The following CACNA2D3 variants were observed in gnomAD, a reference collection of about 807,000 sequenced individuals.
CACNA2D3 encodes the protein voltage-dependent calcium channel subunit alpha-2/delta-3.
In CACNA2D3, 60 loss-of-function variants were observed where a neutral mutation model predicts 160.6. That is an observed-to-expected ratio of 0.37 (90% CI 0.30 to 0.46). The LOEUF is 0.46. Among genes scored for constraint, CACNA2D3 ranks in the 20% least tolerant of loss-of-function variants. CACNA2D3 has a pLI of 1.00. For synonymous variants in CACNA2D3, 558 were observed against 492.9 expected, an observed-to-expected ratio of 1.13 and a Z score of -1.75; for missense variants, 1,205 against 1,365.0, an observed-to-expected ratio of 0.88 and a Z score of 1.85.
intron 23 of CACNA2D3, among the ~76,000 whole-genome samples, chr3:54,886,225 A>G (rs1257898914): frequency 6.6e-6 from 1 of 152,208 alleles, no homozygotes; most frequent in Admixed American, 6.5e-5. Flanking sequence ...ACCTCTAACA[A>G]GCATCATGTA....
At chr3:54,146,282 C>G (rs1443565391) in intron 2 of CACNA2D3, among the ~76,000 whole-genome samples, 4 of 152,190 alleles carry the variant, frequency 2.6e-5, no homozygotes, top group Non-Finnish European at 4.4e-5. Context: ...TAACTTCCTT[C>G]CAGTCTGTGA....
At chr3:54,851,009 C>T (rs1482109181) in intron 17 of CACNA2D3, among the ~76,000 whole-genome samples, 5 of 152,154 alleles carry the variant, frequency 3.3e-5, no homozygotes, top group African/African-American at 1.2e-4. Context: ...AGAGATGTGC[C>T]CTACCTCCAA....
intron 29 of CACNA2D3, among the ~76,000 whole-genome samples, chr3:54,977,366 C>T (rs1182306570): frequency 4.6e-5 from 7 of 152,152 alleles, no homozygotes; most frequent in African/African-American, 1.7e-4. Context: ...AGCTGTTTAA[C>T]GTTACTTTCA....
intron 3 of CACNA2D3, among the ~76,000 whole-genome samples, chr3:54,350,920 T>C (rs985340485): frequency 6.6e-6 from 1 of 151,354 alleles, no homozygotes; most frequent in African/African-American, 2.4e-5. Flanking sequence ...GCTGTTTGCT[T>C]CTAGGTCAGA....
chr3:54,147,823 T>C (rs1700064133), intron 2 of CACNA2D3, among the ~76,000 whole-genome samples: 1 of 152,240 alleles, frequency 6.6e-6, no homozygotes, highest in African/African-American at 2.4e-5. Flanking sequence ...TTTGTTTGTT[T>C]TTGAGACGGA....
intron 2 of CACNA2D3, among the ~76,000 whole-genome samples, chr3:54,303,905 A>G (rs1703537518): frequency 6.8e-6 from 1 of 146,288 alleles, no homozygotes; most frequent in Admixed American, 7.1e-5. Context: ...TCCATGGAAG[A>G]GTCCAGGGGC....
At chr3:54,959,040 G>T (rs1355437719) in intron 27 of CACNA2D3, among the ~76,000 whole-genome samples, 1 of 152,200 alleles carries the variant, frequency 6.6e-6, no homozygotes, top group Non-Finnish European at 1.5e-5. Context: ...GGTCGAGGCT[G>T]CAGTGAGCCA....
At chr3:54,786,238 A>G (rs1246821553) in intron 13 of CACNA2D3, among the ~76,000 whole-genome samples, 1 of 152,252 alleles carries the variant, frequency 6.6e-6, no homozygotes, top group East Asian at 1.9e-4. Flanking sequence ...GGTCACTAAA[A>G]TAAAGTCTGG....
At chr3:54,674,336 T>G (rs1700204630) in intron 11 of CACNA2D3, among the ~76,000 whole-genome samples, 1 of 134,308 alleles carries the variant, frequency 7.4e-6, no homozygotes, top group South Asian at 2.8e-4. Context: ...TGTGAGGGAG[T>G]TAAAGAGGGG....
At chr3:54,784,948 T>G (rs1702606788) in intron 13 of CACNA2D3, among the ~76,000 whole-genome samples, 1 of 152,144 alleles carries the variant, frequency 6.6e-6, no homozygotes. Flanking sequence ...CATGGGAAGT[T>G]TTAGTTTTGT....
In CACNA2D3 at chr3:54,172,255, G is replaced by A. The variant is rs145257410; in HGVS notation, c.204+48661G>A. 1.9e-3 allele frequency among the ~76,000 whole-genome samples: 297 copies of A among 152,320 alleles called. 1 individual carries two copies. Among genetic ancestry groups the A allele is most frequent in the African/African-American group, 6.5e-3 (269 of 41,552 alleles). On this transcript the variant is annotated intron_variant, in intron 2 of 37. Coordinates refer to ENST00000474759, the MANE Select transcript of CACNA2D3 (RefSeq NM_018398.3). ...GTGTTCATTTGATTTGGCAGAAAAC[G>A]TGTTATTCATATTAGGCCTGTGCAC...
intron 2 of CACNA2D3, 32 bp from the exon 3 acceptor site, chr3:54,320,410 T>C: frequency 2.7e-6 from 3 of 1,108,728 alleles, no homozygotes; most frequent in Non-Finnish European, 4.0e-6. Flanking sequence ...TACGGTGTCA[T>C]GTGTCTTGAA....
At chr3:54,431,346 A>AAG (rs1350696547) in intron 4 of CACNA2D3, among the ~76,000 whole-genome samples, 3 of 151,798 alleles carry the variant, frequency 2.0e-5, no homozygotes, top group African/African-American at 4.8e-5. Context: ...AAAAAGAAAA[A>AAG]AGAAAAATCA....
Position 54,122,687 on chromosome 3 carries a change from C to A in CACNA2D3, c.-27C>A. On this transcript the variant is annotated 5_prime_UTR_variant, in exon 1 of 38. Coordinates refer to ENST00000474759, the MANE Select transcript of CACNA2D3 (RefSeq NM_018398.3). ...CCCGCGGCCGCTCTCGTCGCCGCCG[C>A]AGCGGGCGCGTCGGAGGGAGCCCAG... The A allele has an allele frequency of 1.8e-6, 2 of 1,106,082 alleles. No individual in the cohort carries two copies. The highest frequency in any genetic ancestry group is 2.2e-6 in the Non-Finnish European group (2 of 909,174). The allele number at this position is 1,106,082 out of a possible 1,614,324, so 68.5% of individuals were successfully genotyped here. A position where few individuals can be genotyped will look rare whatever the true frequency, so the allele number is the denominator to read the frequency against.
At chr3:54,523,091 G>A (rs1173163092) in intron 5 of CACNA2D3, among the ~76,000 whole-genome samples, 1 of 152,058 alleles carries the variant, frequency 6.6e-6, no homozygotes. Context: ...TAGTAAAAGT[G>A]TTAAGAGCAG....
At chr3:54,319,269 G>A (rs540822157) in intron 2 of CACNA2D3, among the ~76,000 whole-genome samples, 11 of 152,002 alleles carry the variant, frequency 7.2e-5, no homozygotes, top group African/African-American at 2.4e-4. Context: ...TGGGAGGAAT[G>A]AATGGAGAGA....
At chr3:55,005,367 A>G (rs1389784675) in intron 32 of CACNA2D3, among the ~76,000 whole-genome samples, 3 of 152,214 alleles carry the variant, frequency 2.0e-5, no homozygotes, top group Admixed American at 2.0e-4. Context: ...TGAGAAATGG[A>G]TCTAAAGTCT....
At chr3:55,022,180 G>A (rs1703470415) in intron 35 of CACNA2D3, among the ~76,000 whole-genome samples, 1 of 151,478 alleles carries the variant, frequency 6.6e-6, no homozygotes, top group South Asian at 2.1e-4. Flanking sequence ...TATTATAGCT[G>A]CCTAAGAAAT....
At chr3:54,209,466 T>A (rs1339607584) in intron 2 of CACNA2D3, among the ~76,000 whole-genome samples, 1 of 152,216 alleles carries the variant, frequency 6.6e-6, no homozygotes, top group Non-Finnish European at 1.5e-5. Flanking sequence ...CAAAAGTAAT[T>A]ATCCCTGTAC....
Sources: allele counts gnomAD v4.1 joint callset (sites outside exome capture counted in the v4.1 genomes callset), GRCh38; gene constraint gnomAD v4.1.1; transcripts MANE v1.5; gene names NCBI Gene and HGNC (gene_info 2026-07-23, HGNC 2026-07-21).